The following RPS6KA1 variants were observed in gnomAD, a reference collection of about 807,000 sequenced individuals.
RPS6KA1 encodes ribosomal protein S6 kinase A1, also known as ribosomal protein S6 kinase alpha-1.
A neutral mutation model predicts 91.3 loss-of-function variants in RPS6KA1; 48 were observed. That is an observed-to-expected ratio of 0.53 (90% CI 0.42 to 0.67). The LOEUF is 0.67. RPS6KA1 is among the 30% of genes least tolerant of loss of function. The pLI is 0.00. For missense variants in RPS6KA1, 719 were observed against 960.5 expected, an observed-to-expected ratio of 0.75 and a Z score of 3.32; for synonymous variants, 359 against 384.7, an observed-to-expected ratio of 0.93 and a Z score of 0.78.
chr1:26,535,911 G>A (rs939095075), intron 1 of RPS6KA1, among the ~76,000 whole-genome samples: 3 of 152,122 alleles, frequency 2.0e-5, no homozygotes, highest in Non-Finnish European at 1.5e-5. Context: ...AGCACTTTGG[G>A]AGGCCGAGGC....
chr1:26,534,580 A>G (rs2124612276), intron 1 of RPS6KA1, among the ~76,000 whole-genome samples: 1 of 152,294 alleles, frequency 6.6e-6, no homozygotes, highest in East Asian at 1.9e-4. Flanking sequence ...TTTAGCTCAA[A>G]AATAGGGCCC....
chr1:26,554,350 G>T lies in RPS6KA1; in HGVS notation c.613+99G>T. 5.3e-6 allele frequency: 7 copies of T among 1,330,484 alleles called. No individual in the cohort carries two copies. The highest frequency in any genetic ancestry group is 7.3e-6 in the Non-Finnish European group (7 of 964,906). 82.4% of individuals were successfully genotyped at this position (1,330,484 alleles called of 1,614,324 possible). On this transcript the variant is annotated intron_variant, in intron 8 of 21. Coordinates refer to ENST00000374168, the MANE Select transcript of RPS6KA1 (RefSeq NM_002953.4). This position sits in a 1 kb window ranked among gnomAD's most constrained non-coding sequence, Gnocchi z 4.6. ...GCTGGGGGCTCATTCTTCCCGAGAAGCCGTGCCAGTTACTTGGAAGTGGTC... is the reference window on the plus strand; with the variant it reads ...GCTGGGGGCTCATTCTTCCCGAGAATCCGTGCCAGTTACTTGGAAGTGGTC...
chr1:26,541,034 C>T (rs1217556075), intron 2 of RPS6KA1, among the ~76,000 whole-genome samples: 5 of 152,040 alleles, frequency 3.3e-5, no homozygotes. Flanking sequence ...AGGTGATCCG[C>T]CCACCTCGGT....
rs1381520867 is a variant in RPS6KA1, at chr1:26,558,882, T to C, written c.1160T>C (p.Met387Thr). 1 of 1,613,876 alleles carries C rather than the reference T, an allele frequency of 6.2e-7. No individual in the cohort carries two copies. Among genetic ancestry groups the C allele is most frequent in the Non-Finnish European group, 8.5e-7 (1 of 1,179,812 alleles). ...TTCAGCTTCGTGGCCACCGGCCTGA[T>C]GGAAGACGACGGCAAGCCTCGTGCC... ...RGFSFVATGL[M>T]EDDGKPRAPQ... Residue 387 changes from methionine to threonine, a missense_variant, in exon 14 of 22, where the codon ATG (methionine) becomes ACG (threonine). Met to Thr is a moderately conservative substitution (Grantham distance 81, BLOSUM62 -1). Around this residue, in one of 5 missense-constraint regions of RPS6KA1, gnomAD observed 228 missense variants for 247.6 expected, o/e 0.92. Coordinates refer to ENST00000374168, the MANE Select transcript of RPS6KA1 (RefSeq NM_002953.4). The surrounding 1 kb of genome is among the most constrained non-coding windows in gnomAD (Gnocchi z 4.0).
chr1:26,552,480 T>C (rs563672723), intron 6 of RPS6KA1, among the ~76,000 whole-genome samples: 1 of 145,350 alleles, frequency 6.9e-6, no homozygotes, highest in Non-Finnish European at 1.5e-5. Context: ...TTTTTTTTTT[T>C]AATTGTAATT....
chr1:26,561,780 C>T lies in RPS6KA1; in HGVS notation c.1590+117C>T. On this transcript the variant is annotated intron_variant, in intron 17 of 21. Transcript: ENST00000374168. The surrounding 1 kb of genome is among the most constrained non-coding windows in gnomAD (Gnocchi z 5.7). ...CCTCCAGCTAGCCAAACTGAGGGGA[C>T]ACTAGGGCTGGGTGGGTGGATGCGT... 1 of 1,046,802 alleles carries T rather than the reference C, an allele frequency of 9.6e-7. No individual in the cohort carries two copies. The highest frequency in any genetic ancestry group is 1.4e-6 in the Non-Finnish European group (1 of 722,326). The allele number at this position is 1,046,802 out of a possible 1,614,324, so 64.8% of individuals were successfully genotyped here.
Position 26,555,080 on chromosome 1 carries a change from C to T in RPS6KA1, c.757-71C>T. ...AATCCTGGGACTGGGGCAGAGGGGT[C>T]TGACTGGGAGGAGGCGGGAGGTGTG... On this transcript the variant is annotated intron_variant, in intron 9 of 21. Coordinates refer to ENST00000374168, the MANE Select transcript of RPS6KA1 (RefSeq NM_002953.4). The surrounding 1 kb of genome is among the most constrained non-coding windows in gnomAD (Gnocchi z 4.3). 1 of 1,465,638 alleles carries T rather than the reference C, an allele frequency of 6.8e-7. No individual in the cohort carries two copies. The highest frequency in any genetic ancestry group is 1.1e-5 in the South Asian group (1 of 87,120). The allele number at this position is 1,465,638 out of a possible 1,614,324, so 90.8% of individuals were successfully genotyped here.
chr1:26,546,521 C>T (rs1557495690), intron 2 of RPS6KA1, among the ~76,000 whole-genome samples: 1 of 152,202 alleles, frequency 6.6e-6, no homozygotes, highest in East Asian at 1.9e-4. Context: ...TGTGGCAACA[C>T]TAAAACAACA....
chr1:26,552,247 G>A (rs1182263434), intron 6 of RPS6KA1, among the ~76,000 whole-genome samples: 1 of 151,824 alleles, frequency 6.6e-6, no homozygotes, highest in Non-Finnish European at 1.5e-5. Context: ...AATTAGCTGG[G>A]TATGGTGGAG....
chr1:26,558,185 G>A lies in RPS6KA1; in HGVS notation c.1085-622G>A, dbSNP rs3790644. ...TGCAGCTTCGTAGGAGTCAGGGGCC[G>A]GAGGAGCAGCATCAGGCAAGGCTTC... On this transcript the variant is annotated intron_variant, in intron 13 of 21. Transcript: ENST00000374168. The surrounding 1 kb of genome is among the most constrained non-coding windows in gnomAD (Gnocchi z 4.0). Among the ~76,000 whole-genome samples, 34,085 of 152,094 alleles carry A rather than the reference G, an allele frequency of 0.22. 4,535 individuals carry two copies. Among genetic ancestry groups the A allele is most frequent in the East Asian group, 0.64 (3,264 of 5,138 alleles).
chr1:26,546,565 A>C (rs1168609004), intron 2 of RPS6KA1, among the ~76,000 whole-genome samples: 4 of 152,242 alleles, frequency 2.6e-5, no homozygotes, highest in Non-Finnish European at 5.9e-5. Context: ...GACCTGGGGC[A>C]GGTCTCTGGG....
At position 26,555,662 on chromosome 1, in the gene RPS6KA1, T is replaced by C. The variant is rs748751075; in HGVS notation, c.916+37T>C. The stretch of plus-strand genomic sequence containing the variant: ...CAGCTCAGGGGAGGGGATGTGGCGA[T>C]GGGGAGCCGGGTACAGCTGCAGCCT... On this transcript the variant is annotated intron_variant, in intron 11 of 21. Coordinates refer to ENST00000374168, the MANE Select transcript of RPS6KA1 (RefSeq NM_002953.4). The surrounding 1 kb of genome is among the most constrained non-coding windows in gnomAD (Gnocchi z 4.3). The C allele has an allele frequency of 1.5e-4, 240 of 1,553,044 alleles. 1 individual carries two copies. Among genetic ancestry groups the C allele is most frequent in the Non-Finnish European group, 3.7e-5 (42 of 1,143,946 alleles).
chr1:26,555,403 C>T lies in RPS6KA1; in HGVS notation c.828-134C>T. ...TCCCTGGGGGCCTGTGGGTAGGATC[C>T]CTGAAGCCTTTGGGAAGTGAATTAG... On this transcript the variant is annotated intron_variant, in intron 10 of 21. Transcript: ENST00000374168. This position sits in a 1 kb window ranked among gnomAD's most constrained non-coding sequence, Gnocchi z 4.3. 2 of 1,050,322 alleles carry T rather than the reference C, an allele frequency of 1.9e-6. No homozygotes were observed. Among genetic ancestry groups the T allele is most frequent in the South Asian group, 1.5e-5 (1 of 68,054 alleles). The allele number at this position is 1,050,322 out of a possible 1,614,324, so 65.1% of individuals were successfully genotyped here.
intron 2 of RPS6KA1, chr1:26,543,294 C>A: frequency 8.4e-7 from 1 of 1,196,912 alleles, no homozygotes; most frequent in Non-Finnish European, 1.2e-6. Context: ...TTGGGGGTGG[C>A]TCTGTCCCTT....
chr1:26,545,925 C>A lies in RPS6KA1; in HGVS notation c.109-942C>A, dbSNP rs149509119. 3.1e-6 allele frequency: 5 copies of A among 1,588,904 alleles called. No individual in the cohort carries two copies. The highest frequency in any genetic ancestry group is 3.4e-6 in the Non-Finnish European group (4 of 1,168,996). On this transcript the variant is annotated intron_variant, in intron 2 of 21. Transcript: ENST00000374168. ...GATGGAGCAGGATCCCAAGCCGCCC[C>A]GTCTGCGGCTCTGGGCCCTGATCCC...
chr1:26,538,357 G>C lies in RPS6KA1; in HGVS notation c.108+1388G>C, dbSNP rs2075921674. ...TCTGGGGGTTGCAGAGGAGCTTGCAGCATTTAGGGACCTGTGCTGAGTACA... is the reference window on the plus strand; with the variant it reads ...TCTGGGGGTTGCAGAGGAGCTTGCACCATTTAGGGACCTGTGCTGAGTACA... On this transcript the variant is annotated intron_variant, in intron 2 of 21. Coordinates refer to ENST00000374168, the MANE Select transcript of RPS6KA1 (RefSeq NM_002953.4). Among the ~76,000 whole-genome samples, 3 of 152,334 alleles carry C rather than the reference G, an allele frequency of 2.0e-5. No homozygotes were observed. In the South Asian group the frequency reaches 6.2e-4, roughly 32 times the overall value.
chr1:26,546,037 T>A (rs2075992312), intron 2 of RPS6KA1: 1 of 1,610,892 alleles, frequency 6.2e-7, no homozygotes, highest in Non-Finnish European at 8.5e-7. Context: ...CGGGACTCGG[T>A]GAGTGTGCCC....
chr1:26,534,882 T>C (rs1453377212), intron 1 of RPS6KA1, among the ~76,000 whole-genome samples: 1 of 152,160 alleles, frequency 6.6e-6, no homozygotes, highest in African/African-American at 2.4e-5. Context: ...AGCTGGGACT[T>C]GATTCTACAG....
intron 1 of RPS6KA1, among the ~76,000 whole-genome samples, chr1:26,533,664 C>G (rs2075885295): frequency 6.6e-6 from 1 of 152,092 alleles, no homozygotes; most frequent in African/African-American, 2.4e-5. Context: ...TGAGATTGCG[C>G]CGCTGCACTC....
Sources: gnomAD v4.1 joint callset for allele counts (sites outside exome capture counted in the v4.1 genomes callset) on GRCh38, gnomAD v4.1.1 for gene constraint, gnomAD v4.1.1 regional missense constraint, Gnocchi (gnomAD v3.1) non-coding constraint, MANE v1.5 for transcripts, NCBI Gene and HGNC (gene_info 2026-07-23, HGNC 2026-07-21) for gene names.